CDKAL1: variants seen among roughly 807,000 people sequenced by gnomAD.
CDKAL1 encodes the protein threonylcarbamoyladenosine tRNA methylthiotransferase.
Under a neutral mutation model 68.2 loss-of-function variants are expected in CDKAL1, and 32 were observed. The ratio of observed to expected loss-of-function variants is 0.47; its 90% CI spans 0.35 to 0.63. The LOEUF (loss-of-function observed/expected upper bound fraction) is 0.63, where lower values mean the gene tolerates loss of function less well. Ranked by LOEUF, CDKAL1 falls within the 30% of genes least tolerant of loss-of-function variation. The pLI is 0.00. For missense variants in CDKAL1, 606 were observed against 696.7 expected (o/e 0.87, Z 1.47); for synonymous variants, 234 against 244.3 (o/e 0.96, Z 0.39).
intron 5 of CDKAL1, among the ~76,000 whole-genome samples, chr6:20,709,120 C>G (rs931189057): frequency 6.8e-6 from 1 of 146,800 alleles, no homozygotes; most frequent in African/African-American, 2.7e-5. Flanking sequence ...TGTCTAACAG[C>G]TGTTAAAAAA....
At chr6:20,950,780 C>T (rs988933556) in intron 9 of CDKAL1, among the ~76,000 whole-genome samples, 1 of 151,942 alleles carries the variant, frequency 6.6e-6, no homozygotes, top group East Asian at 1.9e-4. Context: ...AGCCTGGCCA[C>T]GTGGCGAAAG....
At chr6:21,195,181 G>C (rs1778412829) in intron 13 of CDKAL1, among the ~76,000 whole-genome samples, 1 of 151,938 alleles carries the variant, frequency 6.6e-6, no homozygotes, top group Non-Finnish European at 1.5e-5. Flanking sequence ...ATTTTGTTTA[G>C]AGACAGAGTC....
chr6:21,150,712 A>G (rs1776376407), intron 13 of CDKAL1, among the ~76,000 whole-genome samples: 1 of 152,198 alleles, frequency 6.6e-6, no homozygotes, highest in Non-Finnish European at 1.5e-5. Context: ...ACAACAGCCC[A>G]AGTTCAGGTT....
chr6:21,030,438 T>TACCTATGTAACAAACCTACACGTTC, intron 11 of CDKAL1, among the ~76,000 whole-genome samples: 1 of 152,120 alleles, frequency 6.6e-6, no homozygotes, highest in East Asian at 1.9e-4. Flanking sequence ...GGCACACGTA[T>TACCTATGTAACAAACCTACACGTTC]ACCTATGTAA....
At chr6:21,069,748 C>G (rs1460673749) in intron 12 of CDKAL1, among the ~76,000 whole-genome samples, 1 of 146,260 alleles carries the variant, frequency 6.8e-6, no homozygotes, top group Non-Finnish European at 1.5e-5. Context: ...ACAGAATTGC[C>G]CAATAAAATC....
In CDKAL1 at chr6:21,198,041, G is replaced by A; in HGVS notation, c.1320G>A (p.Val440=). The change falls in exon 14 of 16, where the codon GTG becomes GTA. Residue 440 remains valine (V), a synonymous_variant. Transcript: ENST00000274695. ...YDHKIGERQQ[V]LVTEESFDSK... ...CACAGATTGGTGAAAGACAACAAGT[G>A]TTAGTAACAGAAGAATCTTTTGATT... 6.2e-7 allele frequency: 1 copy of A among 1,604,342 alleles called. No individual in the cohort carries two copies. The highest frequency in any genetic ancestry group is 2.2e-5 in the East Asian group (1 of 44,580).
chr6:21,074,688 G>C (rs1771967688), intron 12 of CDKAL1, among the ~76,000 whole-genome samples: 1 of 152,088 alleles, frequency 6.6e-6, no homozygotes, highest in African/African-American at 2.4e-5. Context: ...ATTAATAATT[G>C]TCTACTCTAC....
chr6:20,958,571 G>A (rs1484626611), intron 10 of CDKAL1, among the ~76,000 whole-genome samples: 1 of 151,940 alleles, frequency 6.6e-6, no homozygotes, highest in Non-Finnish European at 1.5e-5. Context: ...TTATCTCAAG[G>A]GTACTGAACA....
intron 5 of CDKAL1, among the ~76,000 whole-genome samples, chr6:20,703,737 T>C (rs962312860): frequency 2.6e-5 from 4 of 152,092 alleles, no homozygotes; most frequent in Non-Finnish European, 5.9e-5. Context: ...TAGTAAAAAT[T>C]AGTAAAAAAT....
intron 8 of CDKAL1, among the ~76,000 whole-genome samples, chr6:20,843,887 T>C (rs561696492): frequency 6.6e-6 from 1 of 152,176 alleles, no homozygotes; most frequent in African/African-American, 2.4e-5. Flanking sequence ...CCTGGAAGGG[T>C]ACTGATTTAA....
intron 9 of CDKAL1, among the ~76,000 whole-genome samples, chr6:20,914,126 A>G (rs1023996651): frequency 1.3e-5 from 2 of 151,996 alleles, no homozygotes; most frequent in African/African-American, 4.8e-5. Flanking sequence ...CGTCTCTACT[A>G]AAAATACAAA....
intron 12 of CDKAL1, among the ~76,000 whole-genome samples, chr6:21,092,456 C>T (rs940518825): frequency 2.3e-4 from 35 of 151,898 alleles, no homozygotes; most frequent in African/African-American, 8.5e-4. Context: ...TGTGTTGGTC[C>T]TCTCCCTGTG....
intron 13 of CDKAL1, among the ~76,000 whole-genome samples, chr6:21,192,031 T>TTTTTC (rs1562104946): frequency 1.7e-5 from 2 of 116,102 alleles, no homozygotes; most frequent in African/African-American, 7.0e-5. Flanking sequence ...TTTTTTTTTT[T>TTTTTC]TGAGACGGAG....
intron 13 of CDKAL1, among the ~76,000 whole-genome samples, chr6:21,180,124 A>G (rs1777733151): frequency 6.6e-6 from 1 of 152,226 alleles, no homozygotes; most frequent in African/African-American, 2.4e-5. Flanking sequence ...TTGAATGAGA[A>G]TAATGTCTAC....
intron 13 of CDKAL1, among the ~76,000 whole-genome samples, chr6:21,117,650 T>G (rs532127394): frequency 1.3e-5 from 2 of 152,078 alleles, no homozygotes; most frequent in African/African-American, 4.8e-5. Flanking sequence ...AAAAATTTAT[T>G]CATTATTTAT....
intron 4 of CDKAL1, among the ~76,000 whole-genome samples, chr6:20,628,735 T>C (rs1360768349): frequency 1.3e-5 from 2 of 152,230 alleles, no homozygotes; most frequent in African/African-American, 2.4e-5. Flanking sequence ...CTCTTGCAAT[T>C]TTCCAGTGAC....
intron 13 of CDKAL1, among the ~76,000 whole-genome samples, chr6:21,160,055 G>A (rs1451065298): frequency 6.6e-6 from 1 of 152,140 alleles, no homozygotes; most frequent in Admixed American, 6.5e-5. Context: ...GTGATTTTGG[G>A]CTACTTTTTG....
At chr6:21,047,321 C>T (rs765580298) in intron 11 of CDKAL1, among the ~76,000 whole-genome samples, 6 of 152,164 alleles carry the variant, frequency 3.9e-5, no homozygotes, top group Non-Finnish European at 8.8e-5. Context: ...ACTTGTACTG[C>T]TCACAATGAT....
intron 10 of CDKAL1, among the ~76,000 whole-genome samples, chr6:20,969,937 C>CTT (rs1199129523): frequency 3.6e-5 from 5 of 139,902 alleles, no homozygotes; most frequent in South Asian, 2.3e-4. Flanking sequence ...CATTCCCTGC[C>CTT]TTTTTTTTTT....
Sources: gnomAD v4.1 joint callset for allele counts (sites outside exome capture counted in the v4.1 genomes callset) on GRCh38, gnomAD v4.1.1 for gene constraint, MANE v1.5 for transcripts, NCBI Gene and HGNC (gene_info 2026-07-23, HGNC 2026-07-21) for gene names.